ACSS1: variants seen among roughly 807,000 people sequenced by gnomAD.
ACSS1 encodes the protein acyl-CoA synthetase short chain family member 1.
Under a neutral mutation model 75.3 loss-of-function variants are expected in ACSS1, and 42 were observed. The observed-to-expected ratio is 0.56, with a 90% CI of 0.44 to 0.72. The LOEUF (loss-of-function observed/expected upper bound fraction) is 0.72, where lower values mean the gene tolerates loss of function less well. Ranked by LOEUF, ACSS1 falls within the 30% of genes least tolerant of loss-of-function variation. ACSS1 has a pLI of 0.00. For missense variants in ACSS1, 782 were observed against 935.7 expected (o/e 0.84, Z 2.14); for synonymous variants, 380 against 376.8 (o/e 1.01, Z -0.10).
chr20:25,034,878 T>A (rs1261393769), intron 2 of ACSS1, among the ~76,000 whole-genome samples: 1 of 151,184 alleles, frequency 6.6e-6, no homozygotes, highest in East Asian at 2.0e-4. Context: ...GCCGACCATA[T>A]GGATTTTTTG....
At chr20:25,057,342 C>A (rs1182939062) in intron 1 of ACSS1, among the ~76,000 whole-genome samples, 1 of 152,238 alleles carries the variant, frequency 6.6e-6, no homozygotes, top group African/African-American at 2.4e-5. Flanking sequence ...CAACCGCCAC[C>A]GCTTTGTTTT....
At chr20:25,019,584 T>A (rs927780942) in intron 7 of ACSS1, among the ~76,000 whole-genome samples, 2 of 152,176 alleles carry the variant, frequency 1.3e-5, no homozygotes, top group African/African-American at 4.8e-5. Context: ...AGTGGTGCAA[T>A]CCTAGTTCAC....
chr20:25,014,234 A>G (rs1008881192), intron 8 of ACSS1, among the ~76,000 whole-genome samples, 161 bp from the exon 9 acceptor site: 3 of 152,178 alleles, frequency 2.0e-5, no homozygotes, highest in Non-Finnish European at 4.4e-5. Context: ...GGTGCCCTCC[A>G]CTGTGGATAT....
Position 25,030,856 on chromosome 20 carries a change from A to C in ACSS1, c.534T>G (p.Ala178=), listed in dbSNP as rs1371811739. Residue 178 remains alanine (A), a synonymous_variant, in exon 3 of 14, where the codon GCT becomes GCG. Transcript: ENST00000323482. Reference sequence around the variant, plus strand: ...TGGCACAGGCCAGCATTGCTGCCACAGCCAATGGGGACACGGGCATGTAGA... The same window carrying C: ...TGGCACAGGCCAGCATTGCTGCCACCGCCAATGGGGACACGGGCATGTAGA... ...VAIYMPVSPL[A]VAAMLACARI... The C allele has an allele frequency of 1.9e-6, 3 of 1,614,246 alleles. No homozygotes were observed. In the South Asian group the frequency reaches 3.3e-5, roughly 18 times the overall value.
intron 8 of ACSS1, 87 bp downstream of exon 8, chr20:25,015,051 T>C: frequency 8.3e-7 from 1 of 1,207,666 alleles, no homozygotes; most frequent in South Asian, 1.4e-5. Context: ...GCACCTGCTG[T>C]TGAGAGCTTG....
chr20:25,020,896 A>G (rs1477499640), intron 6 of ACSS1, among the ~76,000 whole-genome samples: 1 of 152,244 alleles, frequency 6.6e-6, no homozygotes, highest in African/African-American at 2.4e-5. Flanking sequence ...GTGTGGGAGG[A>G]CGATGCCCAA....
chr20:25,033,765 A>G (rs2088866906), intron 2 of ACSS1, among the ~76,000 whole-genome samples: 1 of 152,232 alleles, frequency 6.6e-6, no homozygotes, highest in African/African-American at 2.4e-5. Context: ...TGGTACAGCC[A>G]CTGGGGGTGG....
rs150906526 is a variant in ACSS1, at chr20:25,031,730, G to A, written c.432-772C>T. Among the ~76,000 whole-genome samples the A allele has an allele frequency of 1.8e-3, 269 of 152,290 alleles. 1 individual carries two copies. The highest frequency in any genetic ancestry group is 6.2e-3 in the African/African-American group (259 of 41,540). ...ATCCAAGAACCCTCTCCTGGGATCC[G>A]GATGGGGACCCCTTTTTCCAGCAGC... On this transcript the variant is annotated intron_variant, in intron 2 of 13. Transcript: ENST00000323482.
Position 25,023,552 on chromosome 20 carries a change from G to C in ACSS1, c.721C>G (p.His241Asp), listed in dbSNP as rs1414648340. The C allele has an allele frequency of 6.2e-7, 1 of 1,614,052 alleles. No individual in the cohort carries two copies. Among genetic ancestry groups the C allele is most frequent in the Non-Finnish European group, 8.5e-7 (1 of 1,180,040 alleles). ...AGGACATGCTGCACGGTGGGGCAGT[G>C]CTTCACAGCCTCATCCACTATTTTC... ...LKKIVDEAVKHCPTVQHVLVA... is the reference protein window; with the variant it reads ...LKKIVDEAVKDCPTVQHVLVA... Residue 241 changes from histidine (H) to aspartate (D), a missense_variant, in exon 4 of 14, where the codon CAC (histidine) becomes GAC (aspartate). Transcript: ENST00000323482.
intron 2 of ACSS1, chr20:25,032,834 C>A: frequency 2.7e-6 from 1 of 366,526 alleles, no homozygotes; most frequent in Non-Finnish European, 3.8e-6. Context: ...GCAGAGGGGA[C>A]CACATGAGAA....
Position 25,057,881 on chromosome 20 carries a change from C to T in ACSS1, c.222G>A (p.Gly74=), listed in dbSNP as rs776695817. The change falls in exon 1 of 14, where the codon GGG becomes GGA. Residue 74 remains glycine (G), a synonymous_variant. Transcript: ENST00000323482. ...ACACGAGAGTGTCCCGCGCCAGAGG[C>T]CCCCAGAAGGCGGCCGGCTCCCGGG... ...QAAREPAAFW[G]PLARDTLVWD... is the part of the protein sequence containing the mutation. 6.2e-6 allele frequency: 10 copies of T among 1,612,434 alleles called. No homozygotes were observed. The highest frequency in any genetic ancestry group is 7.6e-6 in the Non-Finnish European group (9 of 1,179,634).
chr20:25,042,333 A>G (rs1195935488), intron 2 of ACSS1, among the ~76,000 whole-genome samples: 1 of 152,110 alleles, frequency 6.6e-6, no homozygotes, highest in Non-Finnish European at 1.5e-5. Flanking sequence ...ATGGGATCCT[A>G]TCAGATTCTG....
chr20:25,023,406 C>T (rs1232004825), intron 4 of ACSS1, 60 bp downstream of exon 4: 1 of 1,601,458 alleles, frequency 6.2e-7, no homozygotes, highest in African/African-American at 1.3e-5. Flanking sequence ...CCCGAGAAGC[C>T]TCAGAGCCAG....
chr20:25,051,396 A>C (rs2089172977), intron 1 of ACSS1, among the ~76,000 whole-genome samples: 1 of 152,164 alleles, frequency 6.6e-6, no homozygotes, highest in South Asian at 2.1e-4. Context: ...CTCATGCCCA[A>C]GGGAGGGAGC....
At chr20:25,037,545 C>T (rs945488003) in intron 2 of ACSS1, among the ~76,000 whole-genome samples, 1 of 152,326 alleles carries the variant, frequency 6.6e-6, no homozygotes, top group East Asian at 1.9e-4. Flanking sequence ...GGCTCAGTCA[C>T]TTCTCTCCAA....
chr20:25,022,174 T>C (rs1349272476), intron 5 of ACSS1, among the ~76,000 whole-genome samples: 1 of 152,164 alleles, frequency 6.6e-6, no homozygotes, highest in Admixed American at 6.5e-5. Flanking sequence ...CTGACCAACA[T>C]GGCAAAACCC....
intron 7 of ACSS1, among the ~76,000 whole-genome samples, chr20:25,018,080 T>C (rs892829866): frequency 1.3e-5 from 2 of 152,248 alleles, no homozygotes; most frequent in African/African-American, 4.8e-5. Flanking sequence ...ATGGTTTGAA[T>C]GTTTGTCCCC....
intron 10 of ACSS1, 111 bp from the exon 11 acceptor site, chr20:25,013,050 T>A: frequency 6.6e-7 from 1 of 1,514,796 alleles, no homozygotes; most frequent in Non-Finnish European, 8.9e-7. Flanking sequence ...GTCTCGCCCA[T>A]CGGCCCTCCT....
chr20:25,017,554 C>A (rs2088540483), intron 7 of ACSS1, among the ~76,000 whole-genome samples: 1 of 152,226 alleles, frequency 6.6e-6, no homozygotes, highest in South Asian at 2.1e-4. Flanking sequence ...TGGCCTCCCG[C>A]AGGGCTCTGC....
Sources: gnomAD v4.1 joint callset for allele counts (sites outside exome capture counted in the v4.1 genomes callset) on GRCh38, gnomAD v4.1.1 for gene constraint, MANE v1.5 for transcripts, NCBI Gene and HGNC (gene_info 2026-07-23, HGNC 2026-07-21) for gene names.